Variants in UBAC2 observed in about 807,000 individuals in gnomAD.
UBAC2 encodes the protein UBA domain containing 2.
UBAC2 carries 26 observed loss-of-function variants against 44.0 expected under a neutral mutation model. The observed-to-expected ratio is 0.59, with a 90% CI of 0.43 to 0.82. The LOEUF is 0.82. UBAC2 is among the 40% of genes least tolerant of loss of function. The pLI is 0.00. For synonymous variants in UBAC2, 155 were observed against 154.3 expected, an observed-to-expected ratio of 1.00 and a Z score of -0.04; for missense variants, 329 against 419.4, an observed-to-expected ratio of 0.78 and a Z score of 1.88.
intron 7 of UBAC2, among the ~76,000 whole-genome samples, chr13:99,362,042 CTGAG>C (rs1176227590): frequency 6.6e-6 from 1 of 151,942 alleles, no homozygotes; most frequent in Non-Finnish European, 1.5e-5. Context: ...TACTCGTGTT[CTGAG>C]TATTTTTTAA....
At chr13:99,384,545 C>T (rs1245900653) in intron 8 of UBAC2, among the ~76,000 whole-genome samples, 1 of 152,252 alleles carries the variant, frequency 6.6e-6, no homozygotes, top group African/African-American at 2.4e-5. Flanking sequence ...CTTCTGGTGG[C>T]TTTCACTGCC....
intron 6 of UBAC2, among the ~76,000 whole-genome samples, chr13:99,336,540 G>A (rs1312529738): frequency 1.3e-5 from 2 of 152,140 alleles, no homozygotes; most frequent in African/African-American, 4.8e-5. Context: ...TCTTCCTTGT[G>A]TATAGCCCAT....
At chr13:99,309,056 T>C (rs560126028) in intron 4 of UBAC2, among the ~76,000 whole-genome samples, 3 of 152,318 alleles carry the variant, frequency 2.0e-5, no homozygotes, top group African/African-American at 7.2e-5. Flanking sequence ...CATTTTTATA[T>C]AGTGAAGGAC....
At chr13:99,248,451 G>C (rs1566466989) in intron 4 of UBAC2, among the ~76,000 whole-genome samples, 1 of 151,170 alleles carries the variant, frequency 6.6e-6, no homozygotes, top group East Asian at 1.9e-4. Flanking sequence ...CAGTGCAATG[G>C]CGTGATTTCT....
Position 99,385,597 on chromosome 13 carries a change from A to C in UBAC2, c.*262A>C. On this transcript the variant is annotated 3_prime_UTR_variant, in exon 9 of 9. Coordinates refer to ENST00000403766, the MANE Select transcript of UBAC2 (RefSeq NM_001144072.2). ...GGTTGGAGAGTCAGCACTCGTTTTG[A>C]ATGTGTTTAAAATGCATTAAAATGG... 2.2e-6 allele frequency: 1 copy of C among 448,714 alleles called. No homozygotes were observed. The highest frequency in any genetic ancestry group is 4.1e-6 in the Non-Finnish European group (1 of 245,846). 27.8% of individuals were successfully genotyped at this position (448,714 alleles called of 1,614,324 possible). A position where few individuals can be genotyped will look rare whatever the true frequency, so the allele number is the denominator to read the frequency against.
chr13:99,259,886 C>T (rs1200659123), intron 4 of UBAC2, among the ~76,000 whole-genome samples: 3 of 152,296 alleles, frequency 2.0e-5, no homozygotes, highest in Middle Eastern at 3.4e-3. Context: ...TCACGGTGCA[C>T]AGGGGCATTC....
intron 7 of UBAC2, among the ~76,000 whole-genome samples, chr13:99,354,282 A>G (rs2045142672): frequency 6.6e-6 from 1 of 152,246 alleles, no homozygotes; most frequent in Non-Finnish European, 1.5e-5. Context: ...GCATCTGTCC[A>G]GGAGCTCCTC....
chr13:99,232,399 G>GAGATATATAT (rs1367302629), intron 1 of UBAC2, among the ~76,000 whole-genome samples: 15 of 109,956 alleles, frequency 1.4e-4, no homozygotes, highest in South Asian at 2.7e-4. Flanking sequence ...TTAGTTGAGA[G>GAGATATATAT]ATATAGATAT....
intron 4 of UBAC2, chr13:99,254,859 A>T (rs757815333): frequency 6.3e-7 from 1 of 1,585,150 alleles, no homozygotes; most frequent in Admixed American, 1.7e-5. Flanking sequence ...TGGGATTGAA[A>T]TGAAAGAACC....
At chr13:99,227,198 CA>C (rs561593304) in intron 1 of UBAC2, among the ~76,000 whole-genome samples, 78 of 131,434 alleles carry the variant, frequency 5.9e-4, no homozygotes, top group Admixed American at 1.8e-3. Flanking sequence ...AACTCCATCT[CA>C]AAAAAAAAAA....
At chr13:99,349,588 C>G (rs1302292348) in intron 7 of UBAC2, among the ~76,000 whole-genome samples, 2 of 152,156 alleles carry the variant, frequency 1.3e-5, no homozygotes, top group African/African-American at 2.4e-5. Flanking sequence ...AAGCAAGTCA[C>G]GTAATCACAG....
intron 6 of UBAC2, 141 bp from the exon 7 acceptor site, chr13:99,340,173 TGGTAGA>T: frequency 1.3e-6 from 1 of 754,916 alleles, no homozygotes; most frequent in Non-Finnish European, 2.1e-6. Context: ...TTCTGCAGTG[TGGTAGA>T]GGATTTTGCT....
chr13:99,253,733 C>T (rs1026293731), intron 4 of UBAC2, among the ~76,000 whole-genome samples: 23 of 152,118 alleles, frequency 1.5e-4, no homozygotes, highest in African/African-American at 5.6e-4. Flanking sequence ...AGGCTGGTCT[C>T]GAACTCCTGA....
At chr13:99,204,611 A>G (rs971778986) in intron 1 of UBAC2, among the ~76,000 whole-genome samples, 3 of 152,112 alleles carry the variant, frequency 2.0e-5, no homozygotes, top group Non-Finnish European at 2.9e-5. Context: ...GGAGGAGACA[A>G]TTTCAGGGGA....
At chr13:99,206,514 CCTT>C (rs1179450066) in intron 1 of UBAC2, among the ~76,000 whole-genome samples, 5 of 152,324 alleles carry the variant, frequency 3.3e-5, no homozygotes, top group African/African-American at 1.2e-4. Context: ...TCTGATCCCT[CCTT>C]GTCTCCAGTG....
At chr13:99,341,214 C>A (rs1160032049) in intron 7 of UBAC2, among the ~76,000 whole-genome samples, 1 of 152,184 alleles carries the variant, frequency 6.6e-6, no homozygotes, top group African/African-American at 2.4e-5. Flanking sequence ...GTGAGCCAGC[C>A]CACAGGGCTC....
chr13:99,375,881 G>T (rs995095265), intron 8 of UBAC2, among the ~76,000 whole-genome samples: 1 of 130,090 alleles, frequency 7.7e-6, no homozygotes, highest in African/African-American at 3.0e-5. Flanking sequence ...ATGGCTCACC[G>T]CAACCTCGAC....
At chr13:99,294,064 T>C (rs2044130863) in intron 4 of UBAC2, among the ~76,000 whole-genome samples, 1 of 152,142 alleles carries the variant, frequency 6.6e-6, no homozygotes, top group Admixed American at 6.6e-5. Context: ...GTATATAATA[T>C]TGTAAAGAAT....
intron 6 of UBAC2, among the ~76,000 whole-genome samples, chr13:99,330,310 T>C (rs2044697086): frequency 6.6e-6 from 1 of 151,364 alleles, no homozygotes; most frequent in Non-Finnish European, 1.5e-5. Flanking sequence ...AATACAAAAA[T>C]TAGCCAGGCT....
Sources: allele counts gnomAD v4.1 joint callset (sites outside exome capture counted in the v4.1 genomes callset), GRCh38; gene constraint gnomAD v4.1.1; transcripts MANE v1.5; gene names NCBI Gene and HGNC (gene_info 2026-07-23, HGNC 2026-07-21).